FHIT: variants seen among roughly 807,000 people sequenced by gnomAD.
The protein encoded by FHIT is bis(5'-adenosyl)-triphosphatase.
A neutral mutation model predicts 17.9 loss-of-function variants in FHIT; 19 were observed. The ratio of observed to expected loss-of-function variants is 1.06; its 90% CI spans 0.74 to 1.56. The LOEUF is 1.56. FHIT is among the 40% of genes most tolerant of loss of function. The probability of loss-of-function intolerance (pLI) is 0.00; values close to 1 mark genes in which losing one functional copy is unlikely to be tolerated. For synonymous variants in FHIT, 81 were observed against 69.7 expected, an observed-to-expected ratio of 1.16 and a Z score of -0.81; for missense variants, 248 against 189.2, an observed-to-expected ratio of 1.31 and a Z score of -1.82.
chr3:59,895,705 CT>C (rs1257595020), intron 8 of FHIT, among the ~76,000 whole-genome samples: 1 of 152,222 alleles, frequency 6.6e-6, no homozygotes, highest in Non-Finnish European at 1.5e-5. Context: ...TAATGAGTCA[CT>C]TTGCTTTTGC....
At chr3:60,773,277 T>C (rs1553723627) in intron 4 of FHIT, among the ~76,000 whole-genome samples, 2 of 152,176 alleles carry the variant, frequency 1.3e-5, no homozygotes, top group African/African-American at 4.8e-5. Flanking sequence ...AACGCAACAG[T>C]TATCCCAAGG....
intron 5 of FHIT, among the ~76,000 whole-genome samples, chr3:60,034,646 G>A (rs1701139651): frequency 6.6e-6 from 1 of 152,110 alleles, no homozygotes; most frequent in Admixed American, 6.6e-5. Flanking sequence ...AAGAAATATT[G>A]GTGACCTTAT....
intron 7 of FHIT, among the ~76,000 whole-genome samples, chr3:59,952,101 C>T (rs1370772913): frequency 1.3e-5 from 2 of 152,186 alleles, no homozygotes; most frequent in Non-Finnish European, 2.9e-5. Context: ...ACTGAAAGTT[C>T]TTGGATTCCT....
intron 4 of FHIT, among the ~76,000 whole-genome samples, chr3:60,542,442 A>ACCAGC (rs963222104): frequency 2.3e-4 from 35 of 152,300 alleles, no homozygotes; most frequent in African/African-American, 7.2e-4. Context: ...CTACATCCTT[A>ACCAGC]CCAGCACTTG....
intron 5 of FHIT, among the ~76,000 whole-genome samples, chr3:60,018,447 T>G (rs954281515): frequency 2.6e-5 from 4 of 152,148 alleles, no homozygotes; most frequent in Admixed American, 1.3e-4. Context: ...TTAAGTGACC[T>G]TGAAACCTCT....
intron 7 of FHIT, among the ~76,000 whole-genome samples, chr3:59,993,067 A>C (rs17254231): frequency 6.6e-6 from 1 of 152,012 alleles, no homozygotes; most frequent in Non-Finnish European, 1.5e-5. Context: ...CCAATATTTC[A>C]CTTAGGCCAT....
intron 7 of FHIT, among the ~76,000 whole-genome samples, chr3:59,963,270 A>AAATAATAATAAT (rs200969859): frequency 1.3e-5 from 2 of 150,326 alleles, no homozygotes; most frequent in African/African-American, 2.4e-5. Flanking sequence ...CCATCTCAAA[A>AAATAATAATAAT]AATAATAATA....
At chr3:59,992,659 C>T (rs1699334419) in intron 7 of FHIT, among the ~76,000 whole-genome samples, 2 of 152,174 alleles carry the variant, frequency 1.3e-5, no homozygotes, top group South Asian at 4.1e-4. Context: ...CATAAGAGAT[C>T]CTGCTTTGTG....
chr3:60,768,693 G>A (rs1397246219), intron 4 of FHIT, among the ~76,000 whole-genome samples: 5 of 152,202 alleles, frequency 3.3e-5, no homozygotes, highest in Admixed American at 1.3e-4. Context: ...AACGGGCTAC[G>A]AGGAAACAGA....
chr3:61,089,389 G>T (rs1407338955), intron 2 of FHIT, among the ~76,000 whole-genome samples: 1 of 152,074 alleles, frequency 6.6e-6, no homozygotes, highest in African/African-American at 2.4e-5. Context: ...TACATTCCCC[G>T]ATTCCTTCTT....
At chr3:60,741,250 C>T (rs1033182687) in intron 4 of FHIT, among the ~76,000 whole-genome samples, 1 of 152,212 alleles carries the variant, frequency 6.6e-6, no homozygotes, top group South Asian at 2.1e-4. Context: ...AATTTCACCT[C>T]AAACCTCTGT....
intron 2 of FHIT, among the ~76,000 whole-genome samples, chr3:61,102,890 A>C (rs887275169): frequency 6.6e-6 from 1 of 152,104 alleles, no homozygotes; most frequent in African/African-American, 2.4e-5. Context: ...CTGTGGGATC[A>C]GTGGTGATAT....
chr3:59,799,065 G>A (rs1046066038), intron 8 of FHIT, among the ~76,000 whole-genome samples: 2 of 151,808 alleles, frequency 1.3e-5, no homozygotes, highest in African/African-American at 4.8e-5. Flanking sequence ...TCCCTTTCCT[G>A]CCCTTTGGAA....
intron 5 of FHIT, among the ~76,000 whole-genome samples, chr3:60,264,290 T>C (rs905704705): frequency 5.3e-5 from 8 of 152,084 alleles, no homozygotes; most frequent in East Asian, 3.9e-4. Context: ...GTCAAAACCA[T>C]GGACAGATTC....
intron 5 of FHIT, among the ~76,000 whole-genome samples, chr3:60,295,219 C>A (rs756367588): frequency 6.0e-4 from 91 of 152,096 alleles, no homozygotes; most frequent in Middle Eastern, 3.4e-3. Flanking sequence ...CTGTGAATAG[C>A]CACTGCACTC....
At chr3:60,310,118 A>G (rs1472242438) in intron 5 of FHIT, among the ~76,000 whole-genome samples, 1 of 152,052 alleles carries the variant, frequency 6.6e-6, no homozygotes, top group Non-Finnish European at 1.5e-5. Context: ...CTTCTCCCAC[A>G]TTTCTCTGCC....
chr3:61,204,033 T>A (rs978783899), intron 1 of FHIT, among the ~76,000 whole-genome samples: 1 of 152,176 alleles, frequency 6.6e-6, no homozygotes, highest in African/African-American at 2.4e-5. Flanking sequence ...TCAGTGAAAG[T>A]TACCCACATC....
At chr3:60,900,734 A>C (rs1251288183) in intron 3 of FHIT, among the ~76,000 whole-genome samples, 2 of 152,192 alleles carry the variant, frequency 1.3e-5, no homozygotes, top group Non-Finnish European at 2.9e-5. Context: ...CTAAAATCAG[A>C]ATTCATTATA....
chr3:60,587,016 A>G (rs1276730627), intron 4 of FHIT, among the ~76,000 whole-genome samples: 1 of 152,004 alleles, frequency 6.6e-6, no homozygotes, highest in African/African-American at 2.4e-5. Flanking sequence ...AAAAATTCAA[A>G]CATCCTGCCT....
Sources: gnomAD v4.1 joint callset for allele counts (sites outside exome capture counted in the v4.1 genomes callset) on GRCh38, gnomAD v4.1.1 for gene constraint, MANE v1.5 for transcripts, NCBI Gene and HGNC (gene_info 2026-07-23, HGNC 2026-07-21) for gene names.